CASD1: variants seen among roughly 807,000 people sequenced by gnomAD.
CASD1 encodes the protein CAS1 domain sialic acid O acetyltransferase 1, also known as N-acetylneuraminate (7)9-O-acetyltransferase.
Under a neutral mutation model 100.0 loss-of-function variants are expected in CASD1, and 41 were observed. The ratio of observed to expected loss-of-function variants is 0.41; its 90% confidence interval spans 0.32 to 0.53. The LOEUF (loss-of-function observed/expected upper bound fraction) is 0.53. Among genes scored for constraint, CASD1 ranks in the 20% least tolerant of loss-of-function variants. CASD1 has a pLI of 0.25. For missense variants in CASD1, 774 were observed against 948.7 expected, an observed-to-expected ratio of 0.82 and a Z score of 2.42; for synonymous variants, 321 against 315.6, an observed-to-expected ratio of 1.02 and a Z score of -0.18.
the CASD1 span, chr7:94,585,457 T>C: frequency 3.8e-6 from 6 of 1,575,016 alleles, no homozygotes; most frequent in African/African-American, 2.7e-5. Context: ...AACTGCTATA[T>C]TGTCTGATTA....
At chr7:94,578,545 A>G in the CASD1 span, among the ~76,000 whole-genome samples, 5 of 152,232 alleles carry the variant, frequency 3.3e-5, no homozygotes, top group South Asian at 1.0e-3. Context: ...AGTATATTGG[A>G]TAAGAGCCCC....
the CASD1 span, among the ~76,000 whole-genome samples, chr7:94,616,195 AG>A: frequency 6.6e-6 from 1 of 152,326 alleles, no homozygotes; most frequent in Middle Eastern, 3.4e-3. Flanking sequence ...TTCAGGCAGT[AG>A]AACGGTAGTA....
chr7:94,623,409 G>A, the CASD1 span: 10 of 1,550,470 alleles, frequency 6.4e-6, no homozygotes, highest in South Asian at 1.1e-4. Context: ...TATTATAAAA[G>A]GAAAACCATA....
At chr7:94,549,703 A>G in intron 14 of CASD1, 69 bp downstream of exon 14, 1 of 1,184,618 alleles carries the variant, frequency 8.4e-7, no homozygotes. Flanking sequence ...GAAATTTTTG[A>G]TCTATCTATA....
At chr7:94,590,516 A>G in the CASD1 span, 7 of 152,208 alleles carry the variant, frequency 4.6e-5, no homozygotes, top group Non-Finnish European at 7.3e-5. Flanking sequence ...AGTTTCACAT[A>G]TTGATACTAA....
intron 5 of CASD1, among the ~76,000 whole-genome samples, chr7:94,531,393 G>A (rs1432860780): frequency 2.0e-5 from 3 of 152,092 alleles, no homozygotes; most frequent in Non-Finnish European, 4.4e-5. Context: ...AAGAATGAAG[G>A]AAGGAAGGCA....
chr7:94,555,176 A>G (rs1367721026), intron 17 of CASD1, among the ~76,000 whole-genome samples: 1 of 152,112 alleles, frequency 6.6e-6, no homozygotes, highest in East Asian at 1.9e-4. Flanking sequence ...TAATAACAAC[A>G]TATATTTTAG....
the CASD1 span, among the ~76,000 whole-genome samples, chr7:94,615,846 C>G: frequency 6.6e-6 from 1 of 152,178 alleles, no homozygotes; most frequent in South Asian, 2.1e-4. Flanking sequence ...TGCTCTTCTT[C>G]CCACCAGCTT....
chr7:94,525,612 A>G (rs1254934288), intron 3 of CASD1, among the ~76,000 whole-genome samples: 1 of 152,226 alleles, frequency 6.6e-6, no homozygotes, highest in African/African-American at 2.4e-5. Context: ...AGTTCATGAC[A>G]TTATTTTTCT....
the CASD1 span, among the ~76,000 whole-genome samples, chr7:94,567,937 C>T: frequency 2.6e-5 from 4 of 152,064 alleles, no homozygotes; most frequent in Non-Finnish European, 5.9e-5. Context: ...ATTCCTTTAA[C>T]ATTTATCCTA....
the CASD1 span, chr7:94,620,645 A>G: frequency 6.6e-6 from 1 of 152,214 alleles, no homozygotes; most frequent in Non-Finnish European, 1.5e-5. Flanking sequence ...CATTTCATTC[A>G]ATGTTTTTAC....
At chr7:94,543,265 C>A (rs1795505500) in intron 10 of CASD1, among the ~76,000 whole-genome samples, 1 of 152,172 alleles carries the variant, frequency 6.6e-6, no homozygotes, top group South Asian at 2.1e-4. Flanking sequence ...TGAATGAAAT[C>A]TTCAAAAGAT....
chr7:94,600,523 A>C, the CASD1 span: 1 of 716,350 alleles, frequency 1.4e-6, no homozygotes, highest in East Asian at 2.7e-5. Flanking sequence ...TGCAGTTTGG[A>C]CACAATTTCA....
intron 3 of CASD1, among the ~76,000 whole-genome samples, chr7:94,526,077 T>C (rs137999590): frequency 6.6e-5 from 10 of 152,310 alleles, no homozygotes; most frequent in African/African-American, 2.4e-4. Flanking sequence ...GTGAAACCTA[T>C]AGCAACCTAG....
At chr7:94,566,568 T>C in the CASD1 span, among the ~76,000 whole-genome samples, 2 of 152,190 alleles carry the variant, frequency 1.3e-5, no homozygotes, top group Non-Finnish European at 2.9e-5. Context: ...TGTTTCATAG[T>C]TGAATGATTC....
intron 7 of CASD1, 23 bp downstream of exon 7, chr7:94,533,825 A>G: frequency 6.6e-7 from 1 of 1,522,756 alleles, no homozygotes; most frequent in Non-Finnish European, 8.8e-7. Context: ...TAATGAAAAA[A>G]TGTCACTTTG....
Position 94,526,662 on chromosome 7 carries a change from G to A in CASD1, c.352-500G>A, listed in dbSNP as rs7803375. The stretch of plus-strand genomic sequence containing the variant: ...TAAAAAATTAGCCAGGCATGGTGGC[G>A]TGCACCTGTGGTCCTAGCCACTTGG... On this transcript the variant is annotated intron_variant, in intron 3 of 17. Coordinates refer to ENST00000297273, the MANE Select transcript of CASD1 (RefSeq NM_022900.5). Among the ~76,000 whole-genome samples the A allele has an allele frequency of 8.4e-3, 1,280 of 152,228 alleles. 8 individuals carry two copies. The highest frequency in any genetic ancestry group is 0.027 in the Middle Eastern group (8 of 294).
chr7:94,514,686 A>T (rs992761074), intron 1 of CASD1, among the ~76,000 whole-genome samples: 2 of 152,150 alleles, frequency 1.3e-5, no homozygotes, highest in African/African-American at 4.8e-5. Context: ...TATACTTAAG[A>T]TAAGAGAATA....
intron 3 of CASD1, among the ~76,000 whole-genome samples, chr7:94,520,902 G>C (rs1794230867): frequency 6.6e-6 from 1 of 152,156 alleles, no homozygotes; most frequent in African/African-American, 2.4e-5. Flanking sequence ...GACCATCCTG[G>C]CCAACACGGT....
Sources: allele counts gnomAD v4.1 joint callset (sites outside exome capture counted in the v4.1 genomes callset), GRCh38; gene constraint gnomAD v4.1.1; transcripts MANE v1.5; gene names NCBI Gene and HGNC (gene_info 2026-07-23, HGNC 2026-07-21).